The following DOCK2 variants were observed in gnomAD, a reference collection of about 807,000 sequenced individuals.
DOCK2 encodes the protein dedicator of cytokinesis 2, also known as dedicator of cytokinesis protein 2.
Under a neutral mutation model 248.9 loss-of-function variants are expected in DOCK2, and 87 were observed. That is an observed-to-expected ratio of 0.35 (90% CI 0.29 to 0.42). DOCK2 has a LOEUF of 0.42. Ranked by LOEUF, DOCK2 falls within the 10% of genes least tolerant of loss-of-function variation. DOCK2 has a pLI of 1.00. For synonymous variants in DOCK2, 805 were observed against 821.6 expected, an observed-to-expected ratio of 0.98 and a Z score of 0.35; for missense variants, 1,747 against 2,300.2, an observed-to-expected ratio of 0.76 and a Z score of 4.92.
In DOCK2 at chr5:169,874,552, C is replaced by G. The variant is rs968083933; in HGVS notation, c.2799+33700C>G. On this transcript the variant is annotated intron_variant, in intron 27 of 51. Coordinates refer to ENST00000520908, the MANE Select transcript of DOCK2 (RefSeq NM_004946.3). ...TTCCCAAGCAAGGGGTGACCATACC[C>G]CTATCCTGAAGTGGGAATGTAGTGG... 2.0e-5 allele frequency among the ~76,000 whole-genome samples: 3 copies of G among 152,098 alleles called. No individual in the cohort carries two copies. The East Asian group carries it at 5.8e-4, about 29-fold the overall frequency.
chr5:170,017,236 G>C (rs1015632764), intron 32 of DOCK2, among the ~76,000 whole-genome samples: 1 of 152,046 alleles, frequency 6.6e-6, no homozygotes, highest in Admixed American at 6.6e-5. Context: ...TACCACCTGA[G>C]TTTCTGCACC....
At chr5:169,982,429 AT>A (rs1316146559) in intron 27 of DOCK2, among the ~76,000 whole-genome samples, 1 of 152,054 alleles carries the variant, frequency 6.6e-6, no homozygotes, top group African/African-American at 2.4e-5. Flanking sequence ...CCCTGCCTTG[AT>A]TTCCCTCTTC....
intron 24 of DOCK2, 197 bp from the exon 25 acceptor site, chr5:169,761,322 C>T (rs551797096): frequency 3.3e-5 from 18 of 539,320 alleles, no homozygotes; most frequent in Non-Finnish European, 4.6e-5. Flanking sequence ...CAGATTTTTA[C>T]GTCTCTTTTA....
At chr5:169,822,346 A>G (rs987594062) in intron 26 of DOCK2, among the ~76,000 whole-genome samples, 1 of 152,252 alleles carries the variant, frequency 6.6e-6, no homozygotes, top group African/African-American at 2.4e-5. Flanking sequence ...CACCTGTTCC[A>G]AAATTGACCA....
At chr5:169,700,289 G>C in intron 13 of DOCK2, 150 bp downstream of exon 13, 1 of 1,192,466 alleles carries the variant, frequency 8.4e-7, no homozygotes, top group Non-Finnish European at 1.1e-6. Flanking sequence ...AATGATGTCT[G>C]TATATCCAAA....
chr5:169,724,548 T>G (rs1762370299), intron 22 of DOCK2, among the ~76,000 whole-genome samples: 1 of 151,406 alleles, frequency 6.6e-6, no homozygotes. Flanking sequence ...CGAGAAAGCC[T>G]GCCCTGGTGT....
intron 27 of DOCK2, among the ~76,000 whole-genome samples, chr5:169,867,136 G>A (rs556994658): frequency 1.3e-4 from 20 of 152,212 alleles, no homozygotes; most frequent in Non-Finnish European, 2.4e-4. Context: ...TATTGCAAAG[G>A]ATACAGATGA....
chr5:169,754,036 C>A (rs576042310), intron 23 of DOCK2, among the ~76,000 whole-genome samples: 53 of 152,240 alleles, frequency 3.5e-4, no homozygotes, highest in African/African-American at 1.1e-3. Context: ...AACTGTGTAT[C>A]ATTTCAAGAC....
chr5:169,968,449 G>A (rs1174567470), intron 27 of DOCK2, among the ~76,000 whole-genome samples: 2 of 152,196 alleles, frequency 1.3e-5, no homozygotes, highest in African/African-American at 4.8e-5. Context: ...TCCAGGGCCA[G>A]TGGGGACAGA....
intron 30 of DOCK2, among the ~76,000 whole-genome samples, chr5:169,996,567 G>C (rs777371837): frequency 6.6e-6 from 1 of 152,182 alleles, no homozygotes; most frequent in Non-Finnish European, 1.5e-5. Context: ...GTGGTTTCCT[G>C]ATTCCTTTGA....
chr5:169,816,641 A>G (rs886832265), intron 26 of DOCK2, among the ~76,000 whole-genome samples: 4 of 151,798 alleles, frequency 2.6e-5, no homozygotes, highest in Admixed American at 6.6e-5. Context: ...CATTTACCCT[A>G]TTCCTTCACT....
intron 27 of DOCK2, among the ~76,000 whole-genome samples, chr5:169,900,378 T>G (rs970435973): frequency 5.9e-5 from 9 of 152,052 alleles, no homozygotes; most frequent in African/African-American, 2.2e-4. Flanking sequence ...GTGCCTTGAG[T>G]CTAGACGTGA....
chr5:169,909,772 T>A (rs962046702), intron 27 of DOCK2, among the ~76,000 whole-genome samples: 3 of 152,220 alleles, frequency 2.0e-5, no homozygotes, highest in Non-Finnish European at 4.4e-5. Flanking sequence ...CAATCCAAGA[T>A]GATCACTTAC....
intron 8 of DOCK2, among the ~76,000 whole-genome samples, chr5:169,685,341 G>C (rs980409473): frequency 1.3e-5 from 2 of 152,196 alleles, no homozygotes; most frequent in Non-Finnish European, 2.9e-5. Context: ...AATCTCCAGG[G>C]AAGAGACTTT....
intron 25 of DOCK2, among the ~76,000 whole-genome samples, chr5:169,790,181 C>T (rs1257291650): frequency 6.6e-6 from 1 of 152,156 alleles, no homozygotes; most frequent in Non-Finnish European, 1.5e-5. Context: ...CTCTGTTAGC[C>T]TTAAAATGTA....
At chr5:169,868,335 AATACACACATGC>A (rs1310868300) in intron 27 of DOCK2, among the ~76,000 whole-genome samples, 1 of 152,272 alleles carries the variant, frequency 6.6e-6, no homozygotes, top group African/African-American at 2.4e-5. Context: ...AAATTATATG[AATACACACATGC>A]ACCAACTGCC....
At chr5:170,027,044 T>A (rs2113830269) in intron 33 of DOCK2, among the ~76,000 whole-genome samples, 1 of 141,692 alleles carries the variant, frequency 7.1e-6, no homozygotes, top group Middle Eastern at 3.6e-3. Flanking sequence ...TCTGTCTCTC[T>A]GTATCTTCCC....
intron 25 of DOCK2, among the ~76,000 whole-genome samples, chr5:169,770,290 CTTT>C (rs60938799): frequency 3.0e-5 from 3 of 101,640 alleles, no homozygotes; most frequent in African/African-American, 8.0e-5. Context: ...ATTCTTGAGT[CTTT>C]TTTTTTTTTT....
At chr5:169,991,395 T>G (rs1489573561) in intron 29 of DOCK2, among the ~76,000 whole-genome samples, 2 of 152,256 alleles carry the variant, frequency 1.3e-5, no homozygotes, top group Non-Finnish European at 2.9e-5. Flanking sequence ...TCACAACAGC[T>G]GACTTATCTG....
Sources: gnomAD v4.1 joint callset for allele counts (sites outside exome capture counted in the v4.1 genomes callset) on GRCh38, gnomAD v4.1.1 for gene constraint, MANE v1.5 for transcripts, NCBI Gene and HGNC (gene_info 2026-07-23, HGNC 2026-07-21) for gene names.